Variants in KCNQ1OT1 observed in about 807,000 individuals in gnomAD.
KCNQ1OT1 encodes KCNQ1 antisense RNA 2 (non-protein coding).
exon 1 of KCNQ1OT1, chr11:2,618,555 C>A: frequency 2.5e-6 from 1 of 398,512 alleles, no homozygotes; most frequent in Non-Finnish European, 4.4e-6. Flanking sequence ...TTCCACTGGT[C>A]TACATGTTTG....
chr11:2,615,203 T>C (rs572122422), exon 1 of KCNQ1OT1: 2 of 398,216 alleles, frequency 5.0e-6, no homozygotes, highest in African/African-American at 4.1e-5. Flanking sequence ...GGCTGTTCAT[T>C]CCTGGTATAT....
rs1361806876 is a variant in KCNQ1OT1, at chr11:2,661,378, A to C, written n.38617T>G. ...TGCAGAGGTGGGCCCAGGAATCATA[A>C]TGTGAAGCCAGCTGTTGGAGGGACT... On this transcript the variant is annotated non_coding_transcript_exon_variant, in exon 1 of 1. Transcript: ENST00000597346. This position sits in a 1 kb window ranked among gnomAD's most constrained non-coding sequence, Gnocchi z 5.9. The C allele has an allele frequency of 7.4e-6, 3 of 407,732 alleles. No individual in the cohort carries two copies. Among genetic ancestry groups the C allele is most frequent in the Non-Finnish European group, 1.3e-5 (3 of 231,018 alleles). The allele number at this position is 407,732 out of a possible 1,614,324, so 25.3% of individuals were successfully genotyped here.
exon 1 of KCNQ1OT1, chr11:2,619,426 T>C (rs1165532831): frequency 5.0e-6 from 2 of 398,482 alleles, no homozygotes; most frequent in Admixed American, 8.8e-5. Context: ...TCAATTGAGA[T>C]GATCATGTGG....
Position 2,698,407 on chromosome 11 carries a change from A to G in KCNQ1OT1, n.1588T>C, listed in dbSNP as rs991220125. 6 of 396,998 alleles carry G rather than the reference A, an allele frequency of 1.5e-5. No homozygotes were observed. The highest frequency in any genetic ancestry group is 1.3e-4 in the South Asian group (1 of 7,704). 24.6% of individuals were successfully genotyped at this position (396,998 alleles called of 1,614,324 possible). ...CACAGTGGGGTACTGGGATCTGAAC[A>G]TAGTGGTGGCCCTTCAAGCCTACTA... On this transcript the variant is annotated non_coding_transcript_exon_variant, in exon 1 of 1. Transcript: ENST00000597346. The surrounding 1 kb of genome is among the most constrained non-coding windows in gnomAD (Gnocchi z 5.1).
rs1214858439 is a variant in KCNQ1OT1 at position 2,620,898 on chromosome 11, A to ATGG, written n.79094_79096dup. On this transcript the variant is annotated non_coding_transcript_exon_variant, in exon 1 of 1. Coordinates refer to ENST00000597346, the Ensembl canonical transcript of KCNQ1OT1. The surrounding 1 kb of genome is among the most constrained non-coding windows in gnomAD (Gnocchi z 4.5). ...TAATTGCCATTCTGACTGGTGTGAG[A>ATGG]TGGCATCCCATTATGGTTTGGTGTT... The ATGG allele has an allele frequency of 5.1e-6, 2 of 395,282 alleles. No individual in the cohort carries two copies. The highest frequency in any genetic ancestry group is 2.1e-5 in the African/African-American group (1 of 47,858). The allele number at this position is 395,282 out of a possible 1,614,324, so 24.5% of individuals were successfully genotyped here.
rs1849276248 is a variant in KCNQ1OT1 at position 2,627,277 on chromosome 11, A to T, written n.72718T>A. The T allele has an allele frequency of 7.5e-6, 3 of 398,434 alleles. No individual in the cohort carries two copies. Among genetic ancestry groups the T allele is most frequent in the Non-Finnish European group, 8.8e-6 (2 of 226,058 alleles). 24.7% of individuals were successfully genotyped at this position (398,434 alleles called of 1,614,324 possible). On this transcript the variant is annotated non_coding_transcript_exon_variant, in exon 1 of 1. Coordinates refer to ENST00000597346, the Ensembl canonical transcript of KCNQ1OT1. The surrounding 1 kb of genome is among the most constrained non-coding windows in gnomAD (Gnocchi z 4.9). ...AATGATTACTACAATCAAGCCAATT[A>T]ACATATACCTTACATAGTTGCCATG...
chr11:2,697,137 A>G (rs1207554479), exon 1 of KCNQ1OT1: 3 of 398,490 alleles, frequency 7.5e-6, no homozygotes, highest in Non-Finnish European at 1.3e-5. Flanking sequence ...GAGGCAGCAC[A>G]CCATGACCCC....
At chr11:2,637,724 A>G (rs1176144836) in exon 1 of KCNQ1OT1, 1 of 152,200 alleles carries the variant, frequency 6.6e-6, no homozygotes, top group East Asian at 1.9e-4. Flanking sequence ...GCTGAGTTCA[A>G]TTCCTGGATA....
chr11:2,683,509 A>C lies in KCNQ1OT1; in HGVS notation n.16486T>G, dbSNP rs1473449339. ...TAAAACATAACTTGTTAAAGCATAG[A>C]GCTTAGTTCAGAGTAAACATTTCTA... is the stretch of plus-strand genomic sequence containing the variant. On this transcript the variant is annotated non_coding_transcript_exon_variant, in exon 1 of 1. Coordinates refer to ENST00000597346, the Ensembl canonical transcript of KCNQ1OT1. The surrounding 1 kb of genome is among the most constrained non-coding windows in gnomAD (Gnocchi z 4.7). The C allele has an allele frequency of 7.5e-6, 3 of 398,526 alleles. No individual in the cohort carries two copies. Among genetic ancestry groups the C allele is most frequent in the African/African-American group, 2.1e-5 (1 of 48,638 alleles). The allele number at this position is 398,526 out of a possible 1,614,324, so 24.7% of individuals were successfully genotyped here.
In KCNQ1OT1 at chr11:2,677,133, C is replaced by G; in HGVS notation, n.22862G>C. The G allele has an allele frequency of 5.0e-6, 2 of 398,628 alleles. No homozygotes were observed. The highest frequency in any genetic ancestry group is 8.8e-6 in the Non-Finnish European group (2 of 226,062). The allele number at this position is 398,628 out of a possible 1,614,324, so 24.7% of individuals were successfully genotyped here. On this transcript the variant is annotated non_coding_transcript_exon_variant, in exon 1 of 1. Transcript: ENST00000597346. This position sits in a 1 kb window ranked among gnomAD's most constrained non-coding sequence, Gnocchi z 4.5. The stretch of plus-strand genomic sequence containing the variant: ...AAATTAGTTTCCCTGAAACATCCCT[C>G]CCTATTGAACACTGTTGTTTCTCCC...
chr11:2,687,037 T>C lies in KCNQ1OT1; in HGVS notation n.12958A>G, dbSNP rs992956492. ...AGAGCTTAGGGCTAAAACTCAGCAG[T>C]CCCAGCTCTGGGGGACAAGGACCCA... is the stretch of plus-strand genomic sequence containing the variant. On this transcript the variant is annotated non_coding_transcript_exon_variant, in exon 1 of 1. Transcript: ENST00000597346. The surrounding 1 kb of genome is among the most constrained non-coding windows in gnomAD (Gnocchi z 5.0). 3.5e-5 allele frequency: 14 copies of C among 398,504 alleles called. No homozygotes were observed. Among genetic ancestry groups the C allele is most frequent in the African/African-American group, 6.2e-5 (3 of 48,610 alleles). The allele number at this position is 398,504 out of a possible 1,614,324, so 24.7% of individuals were successfully genotyped here. A position where few individuals can be genotyped will look rare whatever the true frequency, so the allele number is the denominator to read the frequency against.
chr11:2,641,583 G>A (rs994325071), exon 1 of KCNQ1OT1: 2 of 398,298 alleles, frequency 5.0e-6, no homozygotes, highest in African/African-American at 4.1e-5. Context: ...CCATTCAACA[G>A]GCTGTCTCTT....
chr11:2,628,658 T>A (rs1849299754), exon 1 of KCNQ1OT1: 1 of 398,310 alleles, frequency 2.5e-6, no homozygotes, highest in Admixed American at 4.4e-5. Context: ...TCTAATTTAT[T>A]TTTGCGTTTT....
At chr11:2,622,082 T>G in exon 1 of KCNQ1OT1, 1 of 398,384 alleles carries the variant, frequency 2.5e-6, no homozygotes. Context: ...CACTGTCATT[T>G]GTCTGAAGAT....
exon 1 of KCNQ1OT1, chr11:2,632,591 A>G (rs1849378606): frequency 2.5e-6 from 1 of 398,238 alleles, no homozygotes; most frequent in South Asian, 1.3e-4. Context: ...ATTGTGATAC[A>G]TGTATATAAT....
At chr11:2,639,783 T>A (rs1849539195) in exon 1 of KCNQ1OT1, 1 of 152,398 alleles carries the variant, frequency 6.6e-6, no homozygotes, top group Non-Finnish European at 1.5e-5. Flanking sequence ...CTGCTGCCTT[T>A]TGTTCGGCTA....
rs1848914767 is a variant in KCNQ1OT1, at chr11:2,608,349, A to G, written n.91646T>C. ...TTCTTAGTCAGTTTTCATAGTTTTCATCTTTCTAGGAATTTGTCAATTTCA... is the reference window on the plus strand; with the variant it reads ...TTCTTAGTCAGTTTTCATAGTTTTCGTCTTTCTAGGAATTTGTCAATTTCA... On this transcript the variant is annotated non_coding_transcript_exon_variant, in exon 1 of 1. Coordinates refer to ENST00000597346, the Ensembl canonical transcript of KCNQ1OT1. This position sits in a 1 kb window ranked among gnomAD's most constrained non-coding sequence, Gnocchi z 4.6. 1 of 398,474 alleles carries G rather than the reference A, an allele frequency of 2.5e-6. No homozygotes were observed. The highest frequency in any genetic ancestry group is 4.4e-6 in the Non-Finnish European group (1 of 226,036). 24.7% of individuals were successfully genotyped at this position (398,474 alleles called of 1,614,324 possible). A position where few individuals can be genotyped will look rare whatever the true frequency, so the allele number is the denominator to read the frequency against.
chr11:2,696,847 T>C (rs1850684699), exon 1 of KCNQ1OT1: 1 of 398,644 alleles, frequency 2.5e-6, no homozygotes, highest in African/African-American at 2.1e-5. Context: ...TGCTTTTTTT[T>C]AGTCAGTTGC....
exon 1 of KCNQ1OT1, chr11:2,696,199 T>C: frequency 2.5e-6 from 1 of 398,686 alleles, no homozygotes; most frequent in Non-Finnish European, 4.4e-6. Context: ...ACCCTGGCCC[T>C]GGAGATTATT....
Sources: allele counts gnomAD v4.1 joint callset, GRCh38; gene constraint gnomAD v4.1.1; non-coding constraint Gnocchi (gnomAD v3.1); transcripts MANE v1.5; gene names NCBI Gene and HGNC (gene_info 2026-07-23, HGNC 2026-07-21).